SLC4A4: variants seen among roughly 807,000 people sequenced by gnomAD.
SLC4A4 encodes solute carrier family 4 member 4.
A neutral mutation model predicts 111.5 loss-of-function variants in SLC4A4; 27 were observed. The observed-to-expected ratio is 0.24, with a 90% CI of 0.18 to 0.33. The LOEUF (loss-of-function observed/expected upper bound fraction) is 0.33, where lower values mean the gene tolerates loss of function less well. SLC4A4 is among the 10% of genes least tolerant of loss of function. SLC4A4 has a pLI of 1.00. For synonymous variants in SLC4A4, 443 were observed against 463.4 expected (o/e 0.96, Z 0.57); for missense variants, 909 against 1,315.5 (o/e 0.69, Z 4.78).
intron 2 of SLC4A4, among the ~76,000 whole-genome samples, chr4:71,177,117 C>T (rs1036680603): frequency 6.6e-6 from 1 of 152,074 alleles, no homozygotes; most frequent in Non-Finnish European, 1.5e-5. Context: ...CCTTTACAGA[C>T]AAGCAGATAC....
intron 16 of SLC4A4, among the ~76,000 whole-genome samples, chr4:71,512,603 T>C (rs551061406): frequency 1.3e-5 from 2 of 152,306 alleles, no homozygotes; most frequent in East Asian, 3.9e-4. Context: ...CTTCATTGTG[T>C]AGATTATTTC....
At chr4:71,379,649 C>A (rs1043890388) in intron 6 of SLC4A4, among the ~76,000 whole-genome samples, 1 of 152,140 alleles carries the variant, frequency 6.6e-6, no homozygotes, top group African/African-American at 2.4e-5. Context: ...AGAGCTTGAG[C>A]AGAACCCATT....
chr4:71,183,927 C>A (rs879426604), upstream of SLC4A4, among the ~76,000 whole-genome samples: 1 of 152,148 alleles, frequency 6.6e-6, no homozygotes, highest in Non-Finnish European at 1.5e-5. Flanking sequence ...ATATGAAATG[C>A]CTATGAATGT....
At chr4:71,477,410 A>G (rs148828419) in intron 14 of SLC4A4, among the ~76,000 whole-genome samples, 83 of 151,896 alleles carry the variant, frequency 5.5e-4, no homozygotes, top group Non-Finnish European at 7.1e-4. Context: ...AAATTTTCCT[A>G]GGGAAAGATA....
intron 2 of SLC4A4, among the ~76,000 whole-genome samples, chr4:71,096,668 AG>A (rs1331378816): frequency 6.6e-6 from 1 of 152,198 alleles, no homozygotes; most frequent in Non-Finnish European, 1.5e-5. Flanking sequence ...TATGGCTGAC[AG>A]GACACTGTGG....
At chr4:71,203,501 A>G (rs543460028) in intron 1 of SLC4A4, among the ~76,000 whole-genome samples, 2 of 152,334 alleles carry the variant, frequency 1.3e-5, no homozygotes, top group South Asian at 2.1e-4. Flanking sequence ...GACTTTGCAG[A>G]GGGTCCTGCT....
chr4:71,409,998 C>T (rs6414655), intron 7 of SLC4A4, among the ~76,000 whole-genome samples: 151,329 of 152,308 alleles, frequency 0.99, 75,185 homozygotes, highest in Middle Eastern at 1. Flanking sequence ...AGCCTGCGAG[C>T]GCACAGAAGT....
intron 1 of SLC4A4, among the ~76,000 whole-genome samples, chr4:71,222,007 T>C (rs1184941286): frequency 6.6e-6 from 1 of 152,190 alleles, no homozygotes; most frequent in Non-Finnish European, 1.5e-5. Context: ...GGAAGCACCT[T>C]AATGGAAATG....
intron 4 of SLC4A4, among the ~76,000 whole-genome samples, chr4:71,340,494 GA>G (rs980956276): frequency 2.6e-5 from 4 of 151,962 alleles, no homozygotes; most frequent in Non-Finnish European, 4.4e-5. Context: ...TTATATACAG[GA>G]AAAAAACATA....
chr4:71,192,326 G>A (rs905956905), intron 1 of SLC4A4, among the ~76,000 whole-genome samples: 1 of 152,016 alleles, frequency 6.6e-6, no homozygotes, highest in Non-Finnish European at 1.5e-5. Context: ...AAAATAGAGG[G>A]TAAAAAAGTA....
chr4:71,478,000 C>T (rs1728523722), intron 14 of SLC4A4, among the ~76,000 whole-genome samples: 2 of 151,696 alleles, frequency 1.3e-5, no homozygotes, highest in African/African-American at 4.8e-5. Context: ...ATGCTGCCAA[C>T]AAACATGAAA....
At chr4:71,115,628 C>A (rs1266052043) in intron 2 of SLC4A4, among the ~76,000 whole-genome samples, 1 of 152,128 alleles carries the variant, frequency 6.6e-6, no homozygotes, top group African/African-American at 2.4e-5. Flanking sequence ...AATGTGCTTT[C>A]TCTTAACAGT....
chr4:71,536,457 C>CATATACATATATATAT (rs1553928531), intron 18 of SLC4A4, among the ~76,000 whole-genome samples: 2 of 31,406 alleles, frequency 6.4e-5, no homozygotes, highest in Non-Finnish European at 1.3e-4. Flanking sequence ...TACATATATA[C>CATATACATATATATAT]ATATATACAT....
chr4:71,419,364 T>G (rs972838573), intron 7 of SLC4A4, among the ~76,000 whole-genome samples: 10 of 152,354 alleles, frequency 6.6e-5, no homozygotes, highest in East Asian at 3.9e-4. Context: ...GGAGCTTCCC[T>G]GCTGCTTTGT....
intron 16 of SLC4A4, among the ~76,000 whole-genome samples, chr4:71,508,405 A>T (rs368682546): frequency 1.3e-5 from 2 of 152,240 alleles, no homozygotes; most frequent in East Asian, 3.9e-4. Flanking sequence ...ACAGGGGGAT[A>T]TCACAACTGA....
At chr4:71,384,944 G>A (rs991611464) in intron 6 of SLC4A4, among the ~76,000 whole-genome samples, 1 of 151,332 alleles carries the variant, frequency 6.6e-6, no homozygotes, top group African/African-American at 2.4e-5. Context: ...AGTTTGATGG[G>A]TGCAGCAAAC....
chr4:71,366,035 GC>G (rs149821137), intron 6 of SLC4A4, among the ~76,000 whole-genome samples: 7,226 of 152,174 alleles, frequency 0.047, 254 homozygotes, highest in Non-Finnish European at 0.07. Flanking sequence ...CTACATCTAA[GC>G]AGGAAAACAC....
chr4:71,250,984 G>C (rs1450485994), intron 2 of SLC4A4, among the ~76,000 whole-genome samples: 1 of 152,126 alleles, frequency 6.6e-6, no homozygotes, highest in Non-Finnish European at 1.5e-5. Context: ...AAAACACCTC[G>C]CAGTGCTTGG....
chr4:71,159,467 GGTTCTT>G (rs1475000602), intron 2 of SLC4A4, among the ~76,000 whole-genome samples: 1 of 152,046 alleles, frequency 6.6e-6, no homozygotes, highest in Non-Finnish European at 1.5e-5. Flanking sequence ...TCTGCCTCCT[GGTTCTT>G]GCACCTTAGC....
Sources: allele counts gnomAD v4.1 joint callset (sites outside exome capture counted in the v4.1 genomes callset), GRCh38; gene constraint gnomAD v4.1.1; transcripts MANE v1.5; gene names NCBI Gene and HGNC (gene_info 2026-07-23, HGNC 2026-07-21).